The following TMC4 variants were observed in gnomAD, a reference collection of about 807,000 sequenced individuals.
TMC4 encodes the protein voltage-gated chloride channel TMC4.
Under a neutral mutation model 82.0 loss-of-function variants are expected in TMC4, and 70 were observed. That is an observed-to-expected ratio of 0.85 (90% CI 0.70 to 1.04). The LOEUF (loss-of-function observed/expected upper bound fraction) is 1.04, where lower values mean the gene tolerates loss of function less well. TMC4 is among the 50% of genes least tolerant of loss of function. TMC4 has a pLI of 0.00. For synonymous variants in TMC4, 446 were observed against 406.0 expected, an observed-to-expected ratio of 1.10 and a Z score of -1.18; for missense variants, 879 against 899.0, an observed-to-expected ratio of 0.98 and a Z score of 0.28.
Position 54,165,470 on chromosome 19 carries a change from G to A in TMC4, c.894C>T (p.Cys298=). 3 of 1,612,824 alleles carry A rather than the reference G, an allele frequency of 1.9e-6. No homozygotes were observed. The highest frequency in any genetic ancestry group is 2.2e-5 in the East Asian group (1 of 44,832). The change falls in exon 6 of 15, where the codon TGC becomes TGT. Residue 298 remains cysteine (C), a synonymous_variant. Coordinates refer to ENST00000619895, the MANE Select transcript of TMC4 (RefSeq NM_144686.4). ...RVFSAWDFGL[C]GDVHVRLRQR... is the part of the protein sequence containing the mutation. ...GGCGCAGCCGCACGTGGACGTCCCC[G>A]CAGAGACCGAAGTCCCAGGCCGAGA...
intron 6 of TMC4, among the ~76,000 whole-genome samples, chr19:54,165,039 C>T (rs1252274428): frequency 6.6e-6 from 1 of 151,660 alleles, no homozygotes; most frequent in African/African-American, 2.4e-5. Flanking sequence ...AGGCCCCGCC[C>T]GCTTCTTGTG....
intron 9 of TMC4, 33 bp downstream of exon 9, chr19:54,163,000 C>G (rs1455923242): frequency 1.2e-6 from 2 of 1,614,094 alleles, no homozygotes; most frequent in Admixed American, 3.3e-5. Flanking sequence ...TTCAGGGACC[C>G]AAGAGTCCCA....
chr19:54,168,477 T>C lies in TMC4; in HGVS notation c.646A>G (p.Thr216Ala). The C allele has an allele frequency of 1.3e-6, 2 of 1,545,778 alleles. No homozygotes were observed. Among genetic ancestry groups the C allele is most frequent in the Non-Finnish European group, 8.7e-7 (1 of 1,144,914 alleles). The stretch of plus-strand genomic sequence containing the variant: ...CCCGAGAGCAAGTTGAAGAGCTGGG[T>C]GGCAAAGGTGACCAGGCCCTGGGAG... ...PHSQGLVTFA[T>A]QLFNLLSGEG... The change falls in exon 4 of 15, where the codon ACC becomes GCC. Residue 216 changes from threonine to alanine, a missense_variant. By Grantham distance (58) the Thr-to-Ala change is moderately conservative. Transcript: ENST00000619895.
chr19:54,168,528 A>C lies in TMC4; in HGVS notation c.595T>G (p.Ser199Ala). The C allele has an allele frequency of 6.4e-7, 1 of 1,553,332 alleles. No individual in the cohort carries two copies. Among genetic ancestry groups the C allele is most frequent in the East Asian group, 2.4e-5 (1 of 41,404 alleles). Reference sequence around the variant, plus strand: ...TGGGGGTTATAGGAGCCGCAGGGCGAGGAGATGTCGGGGCCGGGAGGGCCT... The same window carrying C: ...TGGGGGTTATAGGAGCCGCAGGGCGCGGAGATGTCGGGGCCGGGAGGGCCT... ...PPGPPGPDISSPCGSYNPHSQ... is the reference protein window; with the variant it reads ...PPGPPGPDISAPCGSYNPHSQ... The change falls in exon 4 of 15, where the codon TCG becomes GCG. Residue 199 changes from serine (S) to alanine (A), a missense_variant. Coordinates refer to ENST00000619895, the MANE Select transcript of TMC4 (RefSeq NM_144686.4).
chr19:54,165,656 A>G, intron 5 of TMC4, 90 bp from the exon 6 acceptor site: 4 of 1,453,472 alleles, frequency 2.8e-6, no homozygotes, highest in Non-Finnish European at 3.7e-6. Flanking sequence ...CAAATGGGGA[A>G]GATGAACCCT....
Position 54,165,562 on chromosome 19 carries a change from C to T in TMC4, c.802G>A (p.Val268Met). Residue 268 changes from valine (V) to methionine (M), a missense_variant, in exon 6 of 15, where the codon GTG becomes ATG. Transcript: ENST00000619895. ...ICLLLILHRS[V>M]SGLKQTLLAE... is the part of the protein sequence containing the mutation. ...AGCAGTGTCTGCTTCAGCCCAGACA[C>T]CGAGCTGAGAGGGGAGACCCGGGAG... The T allele has an allele frequency of 6.2e-7, 1 of 1,600,792 alleles. No individual in the cohort carries two copies. The highest frequency in any genetic ancestry group is 8.5e-7 in the Non-Finnish European group (1 of 1,170,548).
At position 54,161,037 on chromosome 19, in the gene TMC4, A is replaced by T; in HGVS notation, c.1818-4T>A. 1 of 1,614,102 alleles carries T rather than the reference A, an allele frequency of 6.2e-7. No individual in the cohort carries two copies. The highest frequency in any genetic ancestry group is 8.5e-7 in the Non-Finnish European group (1 of 1,179,990). On this transcript the variant is annotated splice_polypyrimidine_tract_variant and splice_region_variant and intron_variant, in intron 12 of 14. Transcript: ENST00000619895. ...ACACAGCTTAGAAGGCGGGATCCTG[A>T]AGTCAAGACAGGCTGGGCTCACATA...
At position 54,172,033 on chromosome 19, in the gene TMC4, G is replaced by C; in HGVS notation, c.130C>G (p.Arg44Gly). 1 of 1,613,028 alleles carries C rather than the reference G, an allele frequency of 6.2e-7. No individual in the cohort carries two copies. Among genetic ancestry groups the C allele is most frequent in the Admixed American group, 1.7e-5 (1 of 59,898 alleles). ...LNELPSAATL[R>G]YRDPGVLPWG... ...GGCAGCACCCCAGGGTCTCGGTACC[G>C]AAGGGTGGCAGCACTGGGCAGCTCG... Residue 44 changes from arginine (R) to glycine (G), a missense_variant, in exon 2 of 15, where the codon CGG becomes GGG. Coordinates refer to ENST00000619895, the MANE Select transcript of TMC4 (RefSeq NM_144686.4).
At chr19:54,162,610 A>G in intron 10 of TMC4, 63 bp downstream of exon 10, 1 of 1,344,294 alleles carries the variant, frequency 7.4e-7, no homozygotes, top group Non-Finnish European at 1.1e-6. Context: ...TGAAAAGAAC[A>G]GCGCGATGGG....
rs2075571945 is a variant in TMC4 at position 54,162,187 on chromosome 19, G to A, written c.1601C>T (p.Thr534Met). Reference sequence around the variant, plus strand: ...GAAAAAACTCCCCACCCAGACCACCGTCTGCGCGTAGATGAGCCCCAGCAC... The same window carrying A: ...GAAAAAACTCCCCACCCAGACCACCATCTGCGCGTAGATGAGCCCCAGCAC... ...DEVLGLIYAQTVVWVGSFFCP... is the reference protein window; with the variant it reads ...DEVLGLIYAQMVVWVGSFFCP... The change falls in exon 11 of 15, where the codon ACG becomes ATG. Residue 534 changes from threonine to methionine, a missense_variant. By Grantham distance (81) the Thr-to-Met change is moderately conservative (BLOSUM62 -1). Transcript: ENST00000619895. 6.2e-7 allele frequency: 1 copy of A among 1,613,486 alleles called. No individual in the cohort carries two copies. Among genetic ancestry groups the A allele is most frequent in the Non-Finnish European group, 8.5e-7 (1 of 1,179,824 alleles).
chr19:54,169,726 G>C, intron 2 of TMC4, 66 bp from the exon 3 acceptor site: 1 of 1,587,262 alleles, frequency 6.3e-7, no homozygotes. Context: ...TCTGAATGTA[G>C]ACACAATCCA....
Position 54,169,855 on chromosome 19 carries a change from C to T in TMC4, c.294-195G>A, listed in dbSNP as rs190078876. On this transcript the variant is annotated intron_variant, in intron 2 of 14. Transcript: ENST00000619895. ...CTGTAATCCCAGCACTTTGGGAGGC[C>T]GAGGTGGGTGAATCACCTGAGGTCA... Among the ~76,000 whole-genome samples, 29 of 151,646 alleles carry T rather than the reference C, an allele frequency of 1.9e-4. No homozygotes were observed. The Middle Eastern group carries it at 0.014, about 72-fold the overall frequency.
At chr19:54,163,909 A>G in intron 7 of TMC4, 22 bp from the exon 8 acceptor site, 1 of 1,612,654 alleles carries the variant, frequency 6.2e-7, no homozygotes, top group Non-Finnish European at 8.5e-7. Context: ...ATGGACCATG[A>G]GTAGAGGCTT....
intron 3 of TMC4, among the ~76,000 whole-genome samples, chr19:54,169,223 G>A (rs2075823365): frequency 6.6e-6 from 1 of 150,588 alleles, no homozygotes; most frequent in Admixed American, 6.7e-5. Context: ...TGGTAGAGAC[G>A]GGGGTTTCAC....
At chr19:54,162,335 A>C in intron 10 of TMC4, 50 bp from the exon 11 acceptor site, 1 of 1,174,924 alleles carries the variant, frequency 8.5e-7, no homozygotes, top group Non-Finnish European at 1.1e-6. Flanking sequence ...GGCGGCCTGG[A>C]GTTTCCACGC....
intron 5 of TMC4, among the ~76,000 whole-genome samples, chr19:54,167,088 GTC>G (rs1467987632): frequency 6.6e-6 from 1 of 152,056 alleles, no homozygotes; most frequent in Non-Finnish European, 1.5e-5. Flanking sequence ...GCAAGACCCT[GTC>G]TCTATAACAT....
rs1568723123 is a variant in TMC4 at position 54,162,213 on chromosome 19, C to T, written c.1575G>A (p.Glu525=). The T allele has an allele frequency of 6.2e-7, 1 of 1,613,108 alleles. No individual in the cohort carries two copies. Among genetic ancestry groups the T allele is most frequent in the Non-Finnish European group, 8.5e-7 (1 of 1,179,676 alleles). ...AGTQEFQVPD[E]VLGLIYAQTV... is the part of the protein sequence containing the mutation. Reference sequence around the variant, plus strand: ...TCTGCGCGTAGATGAGCCCCAGCACCTCGTCGGGCACCTGGAACTCTTGGG... The same window carrying T: ...TCTGCGCGTAGATGAGCCCCAGCACTTCGTCGGGCACCTGGAACTCTTGGG... The change falls in exon 11 of 15, where the codon GAG becomes GAA. Residue 525 remains glutamate (E), a synonymous_variant. Coordinates refer to ENST00000619895, the MANE Select transcript of TMC4 (RefSeq NM_144686.4).
chr19:54,163,592 G>A, intron 8 of TMC4, 132 bp downstream of exon 8: 1 of 1,160,788 alleles, frequency 8.6e-7, no homozygotes, highest in African/African-American at 1.5e-5. Context: ...CACTGCACCT[G>A]GCCAACAGAG....
At chr19:54,166,291 A>T (rs2075701594) in intron 5 of TMC4, among the ~76,000 whole-genome samples, 1 of 144,334 alleles carries the variant, frequency 6.9e-6, no homozygotes, top group South Asian at 2.2e-4. Context: ...AGGTGGGAGG[A>T]TCACTTGAAC....
Sources: allele counts gnomAD v4.1 joint callset (sites outside exome capture counted in the v4.1 genomes callset), GRCh38; gene constraint gnomAD v4.1.1; transcripts MANE v1.5; gene names NCBI Gene and HGNC (gene_info 2026-07-23, HGNC 2026-07-21).